NOTCH1: variants seen among roughly 807,000 people sequenced by gnomAD.
NOTCH1 encodes neurogenic locus notch homolog protein 1.
In NOTCH1, 37 loss-of-function variants were observed where a neutral mutation model predicts 254.8. The ratio of observed to expected loss-of-function variants is 0.15; its 90% CI spans 0.11 to 0.19. The LOEUF (loss-of-function observed/expected upper bound fraction) is 0.19. NOTCH1 is among the 10% of genes least tolerant of loss of function. The pLI is 1.00. For synonymous variants in NOTCH1, 1,731 were observed against 1,618.1 expected (o/e 1.07, Z -1.68); for missense variants, 2,972 against 3,708.6 (o/e 0.80, Z 5.16).
intron 2 of NOTCH1, among the ~76,000 whole-genome samples, chr9:136,530,470 C>T (rs767458577): frequency 2.3e-4 from 35 of 152,210 alleles, no homozygotes; most frequent in Non-Finnish European, 4.7e-4. Flanking sequence ...ACAGAAGGCC[C>T]GTGGAGATGG....
In NOTCH1 at chr9:136,510,575, C is replaced by A. The variant is rs766569465; in HGVS notation, c.2740+78G>T. On this transcript the variant is annotated intron_variant, in intron 17 of 33. Transcript: ENST00000651671. ...CCTCCCTGGGTGCTTATGGCCAGCA[C>A]CATGCGCACCAACCCTGCCCGGGGG... is the stretch of plus-strand genomic sequence containing the variant. 801 of 1,532,020 alleles carry A rather than the reference C, an allele frequency of 5.2e-4. 1 individual carries two copies. Among genetic ancestry groups the A allele is most frequent in the Non-Finnish European group, 6.7e-4 (762 of 1,140,268 alleles). 94.9% of individuals were successfully genotyped at this position (1,532,020 alleles called of 1,614,324 possible).
At chr9:136,538,843 A>G (rs1393211441) in intron 2 of NOTCH1, among the ~76,000 whole-genome samples, 2 of 152,224 alleles carry the variant, frequency 1.3e-5, no homozygotes, top group Admixed American at 1.3e-4. Context: ...TCATCGCTGC[A>G]TTATTGAGGA....
In NOTCH1 at chr9:136,506,711, C is replaced by T. The variant is rs2133343109; in HGVS notation, c.3901+5G>A. ...ACGCCCCACCCGCCTGGGCGCGGCACCCACCGGTGTGACCAGCACGGCACT... is the reference window on the plus strand; with the variant it reads ...ACGCCCCACCCGCCTGGGCGCGGCATCCACCGGTGTGACCAGCACGGCACT... On this transcript the variant is annotated splice_donor_5th_base_variant and intron_variant, in intron 23 of 33. Transcript: ENST00000651671. The surrounding 1 kb of genome is among the most constrained non-coding windows in gnomAD (Gnocchi z 4.5). The T allele has an allele frequency of 1.3e-6, 2 of 1,597,794 alleles. No individual in the cohort carries two copies. Among genetic ancestry groups the T allele is most frequent in the East Asian group, 2.3e-5 (1 of 44,064 alleles).
intron 2 of NOTCH1, among the ~76,000 whole-genome samples, chr9:136,539,210 C>G (rs1055170102): frequency 6.6e-6 from 1 of 152,202 alleles, no homozygotes; most frequent in Non-Finnish European, 1.5e-5. Flanking sequence ...TATTATTATT[C>G]TTTTCAATGG....
In NOTCH1 at chr9:136,508,001, T is replaced by C. The variant is rs2133346294; in HGVS notation, c.3464A>G (p.Gln1155Arg). The change falls in exon 21 of 34, where the codon CAG becomes CGG. Residue 1155 changes from glutamine (Q) to arginine (R), a missense_variant. Coordinates refer to ENST00000651671, the MANE Select transcript of NOTCH1 (RefSeq NM_017617.5). ...LVDECSPSPCQNGATCTDYLG... is the reference protein window; with the variant it reads ...LVDECSPSPCRNGATCTDYLG... The stretch of plus-strand genomic sequence containing the variant: ...GTAGTCCGTGCAGGTGGCCCCGTTC[T>C]GGCAGGGGCTGGGTGAGCACTCGTC... 1 of 1,612,718 alleles carries C rather than the reference T, an allele frequency of 6.2e-7. No individual in the cohort carries two copies. Among genetic ancestry groups the C allele is most frequent in the Middle Eastern group, 1.6e-4 (1 of 6,062 alleles).
intron 3 of NOTCH1, 46 bp from the exon 4 acceptor site, chr9:136,523,234 C>T (rs1223449145): frequency 4.6e-6 from 7 of 1,537,542 alleles, no homozygotes; most frequent in African/African-American, 1.4e-5. Context: ...CACTGCTCCC[C>T]GAGGCCGGGC....
intron 5 of NOTCH1, 38 bp from the exon 6 acceptor site, chr9:136,518,862 C>T: frequency 6.3e-7 from 1 of 1,583,240 alleles, no homozygotes; most frequent in Non-Finnish European, 8.7e-7. Context: ...GGGCAGCTGC[C>T]ACTCCCTGAG....
chr9:136,499,356 C>T, intron 31 of NOTCH1, 97 bp from the exon 32 acceptor site: 2 of 1,517,596 alleles, frequency 1.3e-6, no homozygotes, highest in Non-Finnish European at 1.8e-6. Context: ...CCACTGTCTT[C>T]CGGACACAGA....
rs768351752 is a variant in NOTCH1, at chr9:136,497,208, C to G, written c.6531G>C (p.Lys2177Asn). 32 of 1,612,790 alleles carry G rather than the reference C, an allele frequency of 2.0e-5. No homozygotes were observed. The highest frequency in any genetic ancestry group is 2.7e-5 in the Non-Finnish European group (32 of 1,179,954). The change falls in exon 34 of 34, where the codon AAG becomes AAC. Residue 2177 changes from lysine (K) to asparagine (N), a missense_variant. By Grantham distance (94) the Lys-to-Asn change is moderately conservative. This residue lies in a region of NOTCH1 where 529 missense variants were observed against 529.2 expected (regional missense o/e 1.00). Transcript: ENST00000651671. ...ACGSKEAKDL[K>N]ARRKKSQDGK... Reference sequence around the variant, plus strand: ...CGTCCTGGGACTTCTTCCTCCGTGCCTTGAGGTCCTTGGCCTCCTTGCTTC... The same window carrying G: ...CGTCCTGGGACTTCTTCCTCCGTGCGTTGAGGTCCTTGGCCTCCTTGCTTC...
intron 2 of NOTCH1, among the ~76,000 whole-genome samples, chr9:136,541,533 G>A (rs1285710321): frequency 1.3e-5 from 2 of 152,220 alleles, no homozygotes; most frequent in East Asian, 3.9e-4. Flanking sequence ...ACTCTTTCGA[G>A]AAACAGTGTG....
chr9:136,523,510 G>A lies in NOTCH1; in HGVS notation c.403+207C>T, dbSNP rs571827018. 9.2e-5 allele frequency among the ~76,000 whole-genome samples: 14 copies of A among 152,338 alleles called. No homozygotes were observed. In the South Asian group the frequency reaches 1.2e-3, roughly 14 times the overall value. On this transcript the variant is annotated intron_variant, in intron 3 of 33. Transcript: ENST00000651671. ...GAGGCTCCCCTTGTCTCGCAGAAGC[G>A]GGGACAGCAAGAGTTGGGCCAGAGC...
chr9:136,501,611 G>C, intron 30 of NOTCH1, 137 bp downstream of exon 30: 2 of 1,093,298 alleles, frequency 1.8e-6, no homozygotes, highest in Non-Finnish European at 2.6e-6. Flanking sequence ...CTCTGAATGG[G>C]AAACACCCCA....
intron 15 of NOTCH1, among the ~76,000 whole-genome samples, chr9:136,511,977 C>T (rs933819295): frequency 6.6e-6 from 1 of 152,274 alleles, no homozygotes; most frequent in East Asian, 1.9e-4. Flanking sequence ...TTCCCTGTCC[C>T]CCATTATCTC....
intron 2 of NOTCH1, among the ~76,000 whole-genome samples, chr9:136,529,084 G>A (rs532663230): frequency 5.9e-5 from 9 of 152,274 alleles, no homozygotes; most frequent in East Asian, 3.9e-4. Context: ...AGATCCTGCC[G>A]TGCTCTGCTA....
At chr9:136,507,883 G>A in intron 21 of NOTCH1, 72 bp downstream of exon 21, 3 of 1,515,170 alleles carry the variant, frequency 2.0e-6, no homozygotes, top group Non-Finnish European at 1.8e-6. Context: ...CACTGGGCCA[G>A]CTCCCAGCCA....
chr9:136,503,503 G>A (rs1004415113), intron 26 of NOTCH1, among the ~76,000 whole-genome samples, 173 bp from the exon 27 acceptor site: 3 of 152,144 alleles, frequency 2.0e-5, no homozygotes, highest in African/African-American at 7.2e-5. Flanking sequence ...CAGGGGACTG[G>A]TGCCAGCCCC....
Position 136,505,614 on chromosome 9 carries a change from G to A in NOTCH1, c.4282C>T (p.Leu1428=), listed in dbSNP as rs1363126385. ...GCCCCACCCCCGAAGCTGTAGTCCA[G>A]GATGTGGCACAAGAGCCCGTTGAAT... ...AKFNGLLCHI[L]DYSFGGGAGR... The change falls in exon 25 of 34, where the codon CTG becomes TTG. Residue 1428 remains leucine, a synonymous_variant. Coordinates refer to ENST00000651671, the MANE Select transcript of NOTCH1 (RefSeq NM_017617.5). 2 of 1,612,106 alleles carry A rather than the reference G, an allele frequency of 1.2e-6. No individual in the cohort carries two copies. The highest frequency in any genetic ancestry group is 2.2e-5 in the South Asian group (2 of 91,050).
At position 136,507,351 on chromosome 9, in the gene NOTCH1, G is replaced by A. The variant is rs150666307; in HGVS notation, c.3597C>T (p.Leu1199=). The A allele has an allele frequency of 5.2e-5, 84 of 1,612,902 alleles. No homozygotes were observed. Among genetic ancestry groups the A allele is most frequent in the Admixed American group, 4.5e-4 (27 of 60,024 alleles). The change falls in exon 22 of 34, where the codon CTC becomes CTT. Residue 1199 remains leucine, a synonymous_variant. Coordinates refer to ENST00000651671, the MANE Select transcript of NOTCH1 (RefSeq NM_017617.5). ...SHPCQNGGTC[L]DLPNTYKCSC... is the part of the protein sequence containing the mutation. Reference sequence around the variant, plus strand: ...AGCACTTGTAGGTGTTGGGGAGGTCGAGGCAGGTGCCCCCGTTCTGGCAGG... The same window carrying A: ...AGCACTTGTAGGTGTTGGGGAGGTCAAGGCAGGTGCCCCCGTTCTGGCAGG...
intron 16 of NOTCH1, 35 bp downstream of exon 16, chr9:136,511,117 C>T (rs2133354236): frequency 3.1e-6 from 5 of 1,612,844 alleles, no homozygotes; most frequent in Non-Finnish European, 4.2e-6. Context: ...CCTGACCTCC[C>T]ATCCCAGCCC....
Sources: allele counts gnomAD v4.1 joint callset (sites outside exome capture counted in the v4.1 genomes callset), GRCh38; gene constraint gnomAD v4.1.1; regional missense constraint gnomAD v4.1.1; non-coding constraint Gnocchi (gnomAD v3.1); transcripts MANE v1.5; gene names NCBI Gene and HGNC (gene_info 2026-07-23, HGNC 2026-07-21).